The following DCUN1D5 variants were observed in gnomAD, a reference collection of about 807,000 sequenced individuals.
The protein encoded by DCUN1D5 is defective in cullin neddylation 1 domain containing 5, also known as DCN1-like protein 5.
A neutral mutation model predicts 38.3 loss-of-function variants in DCUN1D5; 10 were observed. The observed-to-expected ratio is 0.26, with a 90% CI of 0.16 to 0.44. The LOEUF is 0.44. DCUN1D5 is among the 20% of genes least tolerant of loss of function. The pLI, the probability that DCUN1D5 is intolerant of heterozygous loss-of-function variation, is 1.00. For missense variants in DCUN1D5, 148 were observed against 275.3 expected (o/e 0.54, Z 3.27); for synonymous variants, 93 against 90.9 (o/e 1.02, Z -0.13).
chr11:103,081,346 A>C (rs1021752304), intron 4 of DCUN1D5, among the ~76,000 whole-genome samples: 5 of 152,182 alleles, frequency 3.3e-5, no homozygotes, highest in African/African-American at 1.2e-4. Flanking sequence ...TATAAAACCT[A>C]TATTATTTGC....
In DCUN1D5 at chr11:103,052,087, A is replaced by G. The variant is rs191217967; in HGVS notation, c.*10272T>C. On this transcript the variant is annotated 3_prime_UTR_variant, in exon 8 of 8. Transcript: ENST00000260247. Reference sequence around the variant, plus strand: ...GAAATAATTTTAGTGTCTATTTAGAAGACACTGTGCCCGGTTATGTGAGAC... The same window carrying G: ...GAAATAATTTTAGTGTCTATTTAGAGGACACTGTGCCCGGTTATGTGAGAC... The G allele has an allele frequency of 1.3e-5, 2 of 152,296 alleles. No individual in the cohort carries two copies. The highest frequency in any genetic ancestry group is 1.9e-4 in the East Asian group (1 of 5,184). 9.4% of individuals were successfully genotyped at this position (152,296 alleles called of 1,614,324 possible). A position where few individuals can be genotyped will look rare whatever the true frequency, so the allele number is the denominator to read the frequency against.
chr11:103,069,886 G>A (rs1252518300), intron 4 of DCUN1D5, among the ~76,000 whole-genome samples: 1 of 152,040 alleles, frequency 6.6e-6, no homozygotes, highest in East Asian at 1.9e-4. Flanking sequence ...ACGATCCAGA[G>A]ATCCAGAGTT....
At chr11:103,081,169 TAAG>T (rs2134628762) in intron 4 of DCUN1D5, among the ~76,000 whole-genome samples, 2 of 152,284 alleles carry the variant, frequency 1.3e-5, no homozygotes, top group Non-Finnish European at 2.9e-5. Flanking sequence ...AAAACATAAA[TAAG>T]AAACTTTTAG....
At chr11:103,085,744 T>C (rs1024016303) in intron 2 of DCUN1D5, among the ~76,000 whole-genome samples, 2 of 152,242 alleles carry the variant, frequency 1.3e-5, no homozygotes, top group Non-Finnish European at 2.9e-5. Context: ...GGGTAAAACC[T>C]CTGGAGCTAA....
chr11:103,085,910 A>G (rs1304714285), intron 2 of DCUN1D5, among the ~76,000 whole-genome samples: 1 of 152,218 alleles, frequency 6.6e-6, no homozygotes, highest in Admixed American at 6.5e-5. Flanking sequence ...ATGAGACTTT[A>G]AAACTGCCCT....
In DCUN1D5 at chr11:103,052,906, C is replaced by T. The variant is rs1420938996; in HGVS notation, c.*9453G>A. 3 of 152,060 alleles carry T rather than the reference C, an allele frequency of 2.0e-5. No homozygotes were observed. 9.4% of individuals were successfully genotyped at this position (152,060 alleles called of 1,614,324 possible). Reference sequence around the variant, plus strand: ...ATGTGCAAGTAGTGGTTTTTAAAACCTGCTATTCAGAGAGCAAGGAGTTCC... The same window carrying T: ...ATGTGCAAGTAGTGGTTTTTAAAACTTGCTATTCAGAGAGCAAGGAGTTCC... On this transcript the variant is annotated 3_prime_UTR_variant, in exon 8 of 8. Transcript: ENST00000260247.
chr11:103,064,222 TTTAA>T lies in DCUN1D5; in HGVS notation c.658+49_658+52del, dbSNP rs1395365845. On this transcript the variant is annotated intron_variant, in intron 7 of 7. Transcript: ENST00000260247. The surrounding 1 kb of genome is among the most constrained non-coding windows in gnomAD (Gnocchi z 4.5). ...AATACTACACAAATGCATACTCTCA[TTTAA>T]TATTTTTGGAAATTTTGTTTTCAAA... is the stretch of plus-strand genomic sequence containing the variant. 7.1e-7 allele frequency: 1 copy of T among 1,405,456 alleles called. No homozygotes were observed. The highest frequency in any genetic ancestry group is 1.4e-5 in the African/African-American group (1 of 70,630). 87.1% of individuals were successfully genotyped at this position (1,405,456 alleles called of 1,614,324 possible).
At position 103,058,906 on chromosome 11, in the gene DCUN1D5, T is replaced by G. The variant is rs1198215726; in HGVS notation, c.*3453A>C. ...ACTTTTGGGTTTTTTTGGGGGGGGTTTTAATTTTATTTTTTATTTTTGGCC... is the reference window on the plus strand; with the variant it reads ...ACTTTTGGGTTTTTTTGGGGGGGGTGTTAATTTTATTTTTTATTTTTGGCC... On this transcript the variant is annotated 3_prime_UTR_variant, in exon 8 of 8. Coordinates refer to ENST00000260247, the MANE Select transcript of DCUN1D5 (RefSeq NM_032299.4). 1.8e-4 allele frequency among the ~76,000 whole-genome samples: 27 copies of G among 149,678 alleles called. No homozygotes were observed. Among genetic ancestry groups the G allele is most frequent in the South Asian group, 1.5e-3 (7 of 4,666 alleles).
intron 4 of DCUN1D5, among the ~76,000 whole-genome samples, chr11:103,072,717 A>G (rs1012181025): frequency 1.6e-5 from 2 of 125,042 alleles, no homozygotes; most frequent in African/African-American, 6.1e-5. Context: ...CAATGAGAAC[A>G]CTTGGACACA....
Position 103,091,744 on chromosome 11 carries a change from A to C in DCUN1D5, c.86+43T>G. 6.2e-7 allele frequency: 1 copy of C among 1,612,912 alleles called. No individual in the cohort carries two copies. The highest frequency in any genetic ancestry group is 8.5e-7 in the Non-Finnish European group (1 of 1,179,236). ...CTCCTTTTCCTCCAGTTGTCCAGCAAAGGAGGGAGGAGGGAAGCTTGAAGG... is the reference window on the plus strand; with the variant it reads ...CTCCTTTTCCTCCAGTTGTCCAGCACAGGAGGGAGGAGGGAAGCTTGAAGG... On this transcript the variant is annotated intron_variant, in intron 1 of 7. Coordinates refer to ENST00000260247, the MANE Select transcript of DCUN1D5 (RefSeq NM_032299.4). The surrounding 1 kb of genome is among the most constrained non-coding windows in gnomAD (Gnocchi z 4.3).
In DCUN1D5 at chr11:103,054,266, G is replaced by C. The variant is rs1365764415; in HGVS notation, c.*8093C>G. 1 of 152,104 alleles carries C rather than the reference G, an allele frequency of 6.6e-6. No homozygotes were observed. Among genetic ancestry groups the C allele is most frequent in the African/African-American group, 2.4e-5 (1 of 41,434 alleles). The allele number at this position is 152,104 out of a possible 1,614,324, so 9.4% of individuals were successfully genotyped here. Reference sequence around the variant, plus strand: ...TAAAGTCTGCTTGAAGAAGTAGTGGGAGCAAAGATAGAAGGTTAGAATTGT... The same window carrying C: ...TAAAGTCTGCTTGAAGAAGTAGTGGCAGCAAAGATAGAAGGTTAGAATTGT... On this transcript the variant is annotated 3_prime_UTR_variant, in exon 8 of 8. Coordinates refer to ENST00000260247, the MANE Select transcript of DCUN1D5 (RefSeq NM_032299.4).
At position 103,062,137 on chromosome 11, in the gene DCUN1D5, TAACTC is replaced by T; in HGVS notation, c.*217_*221del. ...TGTTCTGAAATAAATGTTATAAACATAACTCAAAACAAAAACTTCAATATTCAGTC... is the reference window on the plus strand; with the variant it reads ...TGTTCTGAAATAAATGTTATAAACATAAAACAAAAACTTCAATATTCAGTC... On this transcript the variant is annotated 3_prime_UTR_variant, in exon 8 of 8. Transcript: ENST00000260247. This position sits in a 1 kb window ranked among gnomAD's most constrained non-coding sequence, Gnocchi z 4.6. 4.2e-6 allele frequency: 2 copies of T among 476,718 alleles called. No individual in the cohort carries two copies. Among genetic ancestry groups the T allele is most frequent in the East Asian group, 3.3e-5 (1 of 29,964 alleles). The allele number at this position is 476,718 out of a possible 1,614,324, so 29.5% of individuals were successfully genotyped here.
rs528985431 is a variant in DCUN1D5 at position 103,087,392 on chromosome 11, G to C, written c.178+1835C>G. ...TCACCATGTTAACCAGGATGGTCTC[G>C]ATCTCCTGACCTCGTGATCTGCCTA... On this transcript the variant is annotated intron_variant, in intron 2 of 7. Transcript: ENST00000260247. The surrounding 1 kb of genome is among the most constrained non-coding windows in gnomAD (Gnocchi z 4.1). Among the ~76,000 whole-genome samples, 3 of 151,916 alleles carry C rather than the reference G, an allele frequency of 2.0e-5. No homozygotes were observed. Among genetic ancestry groups the C allele is most frequent in the East Asian group, 1.9e-4 (1 of 5,178 alleles).
chr11:103,058,379 CTG>C lies in DCUN1D5; in HGVS notation c.*3978_*3979del, dbSNP rs1279752216. Among the ~76,000 whole-genome samples, 7 of 152,248 alleles carry C rather than the reference CTG, an allele frequency of 4.6e-5. No homozygotes were observed. The East Asian group carries it at 1.2e-3, about 25-fold the overall frequency. On this transcript the variant is annotated 3_prime_UTR_variant, in exon 8 of 8. Coordinates refer to ENST00000260247, the MANE Select transcript of DCUN1D5 (RefSeq NM_032299.4). ...AATGTATGATCGATCAGTTTTAAGA[CTG>C]TTTTTAAAAACATAAATAAATTGTG...
At chr11:103,070,534 T>A in intron 4 of DCUN1D5, among the ~76,000 whole-genome samples, 1 of 152,042 alleles carries the variant, frequency 6.6e-6, no homozygotes, top group Non-Finnish European at 1.5e-5. Context: ...TTCTAAGCAA[T>A]CCTATACACG....
intron 4 of DCUN1D5, among the ~76,000 whole-genome samples, chr11:103,074,101 T>G (rs1373922965): frequency 6.6e-6 from 1 of 151,968 alleles, no homozygotes; most frequent in Non-Finnish European, 1.5e-5. Context: ...CAAAAAAAAG[T>G]ACACTCCATA....
chr11:103,090,044 A>G (rs1030953713), intron 1 of DCUN1D5, among the ~76,000 whole-genome samples: 1 of 152,134 alleles, frequency 6.6e-6, no homozygotes, highest in East Asian at 1.9e-4. Context: ...ACTTTTTTCA[A>G]GGAACTCAAA....
Position 103,091,974 on chromosome 11 carries a change from A to C in DCUN1D5, c.-102T>G, listed in dbSNP as rs1742077840. 8.7e-7 allele frequency: 1 copy of C among 1,148,776 alleles called. No individual in the cohort carries two copies. Among genetic ancestry groups the C allele is most frequent in the South Asian group, 1.5e-5 (1 of 65,758 alleles). The allele number at this position is 1,148,776 out of a possible 1,614,324, so 71.2% of individuals were successfully genotyped here. Reference sequence around the variant, plus strand: ...GCACCCAGTTCCCAGAGACAGCAGCAAGCGGAGGAGCAGAGTCGCCAGCCC... The same window carrying C: ...GCACCCAGTTCCCAGAGACAGCAGCCAGCGGAGGAGCAGAGTCGCCAGCCC... On this transcript the variant is annotated 5_prime_UTR_variant, in exon 1 of 8. Transcript: ENST00000260247. This position sits in a 1 kb window ranked among gnomAD's most constrained non-coding sequence, Gnocchi z 4.3.
Position 103,062,503 on chromosome 11 carries a change from G to T in DCUN1D5, c.659-89C>A. The T allele has an allele frequency of 9.0e-7, 1 of 1,105,910 alleles. No individual in the cohort carries two copies. Among genetic ancestry groups the T allele is most frequent in the Non-Finnish European group, 1.3e-6 (1 of 741,790 alleles). The allele number at this position is 1,105,910 out of a possible 1,614,324, so 68.5% of individuals were successfully genotyped here. ...ACTCCCCACGAGCTCTGCAATGACA[G>T]AGGAATGACCCTTCCTTTCTTTGGG... On this transcript the variant is annotated intron_variant, in intron 7 of 7. Transcript: ENST00000260247. This position sits in a 1 kb window ranked among gnomAD's most constrained non-coding sequence, Gnocchi z 4.6.
Sources: allele counts gnomAD v4.1 joint callset (sites outside exome capture counted in the v4.1 genomes callset), GRCh38; gene constraint gnomAD v4.1.1; non-coding constraint Gnocchi (gnomAD v3.1); transcripts MANE v1.5; gene names NCBI Gene and HGNC (gene_info 2026-07-23, HGNC 2026-07-21).